Variants in PSD3 observed in about 807,000 individuals in gnomAD.
The protein encoded by PSD3 is pleckstrin and Sec7 domain containing 3.
PSD3 carries 49 observed loss-of-function variants against 105.5 expected under a neutral mutation model. That is an observed-to-expected ratio of 0.46 (90% CI 0.37 to 0.59). The LOEUF (loss-of-function observed/expected upper bound fraction) is 0.59. PSD3 is among the 20% of genes least tolerant of loss of function. The pLI is 0.00. For synonymous variants in PSD3, 557 were observed against 457.8 expected (o/e 1.22, Z -2.77); for missense variants, 1,561 against 1,263.8 (o/e 1.24, Z -3.57).
At chr8:18,924,415 G>A (rs190841459) in intron 2 of PSD3, 14 of 152,202 alleles carry the variant, frequency 9.2e-5, no homozygotes, top group Middle Eastern at 6.8e-3. Flanking sequence ...AAAGAAAGGA[G>A]CAAAATAAAT....
At chr8:18,876,639 A>G (rs1270177533) in intron 2 of PSD3, among the ~76,000 whole-genome samples, 1 of 152,116 alleles carries the variant, frequency 6.6e-6, no homozygotes, top group Non-Finnish European at 1.5e-5. Context: ...GGCTCAAAGG[A>G]TACGCCTGCC....
intron 9 of PSD3, among the ~76,000 whole-genome samples, chr8:18,703,833 A>G (rs1342756355): frequency 2.0e-5 from 3 of 152,220 alleles, no homozygotes; most frequent in Non-Finnish European, 4.4e-5. Context: ...TCTCAATGCT[A>G]TCATTTTCAT....
At chr8:18,980,923 G>A (rs1369756857) in intron 1 of PSD3, among the ~76,000 whole-genome samples, 8 of 151,988 alleles carry the variant, frequency 5.3e-5, no homozygotes, top group Admixed American at 5.3e-4. Context: ...GCTGGTCTTC[G>A]CACTTAGCTA....
chr8:18,985,087 C>T (rs150709801), intron 1 of PSD3, among the ~76,000 whole-genome samples: 2,166 of 152,240 alleles, frequency 0.014, 67 homozygotes, highest in African/African-American at 0.05. Context: ...GTGCCCGCCA[C>T]CACACCCGGC....
intron 4 of PSD3, among the ~76,000 whole-genome samples, chr8:18,861,176 T>A (rs951372508): frequency 1.3e-5 from 2 of 152,130 alleles, no homozygotes; most frequent in African/African-American, 4.8e-5. Context: ...GAACAACCAA[T>A]GACCAGTGCA....
At chr8:18,652,942 G>A (rs983247921) in intron 10 of PSD3, among the ~76,000 whole-genome samples, 1 of 152,096 alleles carries the variant, frequency 6.6e-6, no homozygotes, top group Non-Finnish European at 1.5e-5. Context: ...ATAAATTGGG[G>A]TATTGGCCAT....
At chr8:18,698,273 A>G (rs1054487688) in intron 9 of PSD3, among the ~76,000 whole-genome samples, 5 of 152,024 alleles carry the variant, frequency 3.3e-5, no homozygotes, top group African/African-American at 1.2e-4. Flanking sequence ...TAGTTTTAAC[A>G]TTTTTTAATT....
At chr8:18,868,626 T>C (rs1447233025) in intron 3 of PSD3, among the ~76,000 whole-genome samples, 5 of 152,106 alleles carry the variant, frequency 3.3e-5, no homozygotes, top group Non-Finnish European at 7.3e-5. Flanking sequence ...GATAGCCAAT[T>C]AACGGCCTAA....
chr8:18,555,515 A>G (rs1480623987), intron 15 of PSD3, among the ~76,000 whole-genome samples: 1 of 152,244 alleles, frequency 6.6e-6, no homozygotes, highest in East Asian at 1.9e-4. Flanking sequence ...TTAAAAATAA[A>G]AAGACACTTT....
At chr8:18,564,079 G>A (rs996781926) in intron 14 of PSD3, among the ~76,000 whole-genome samples, 2 of 149,882 alleles carry the variant, frequency 1.3e-5, no homozygotes, top group African/African-American at 4.9e-5. Flanking sequence ...TAGCTCCTTA[G>A]GCACTGGGAA....
Position 18,533,141 on chromosome 8 carries a change from T to C in PSD3, c.*2602A>G, listed in dbSNP as rs554517103. 1 of 152,320 alleles carries C rather than the reference T, an allele frequency of 6.6e-6. No individual in the cohort carries two copies. Among genetic ancestry groups the C allele is most frequent in the East Asian group, 1.9e-4 (1 of 5,172 alleles). The allele number at this position is 152,320 out of a possible 1,614,324, so 9.4% of individuals were successfully genotyped here. On this transcript the variant is annotated 3_prime_UTR_variant, in exon 16 of 16. Coordinates refer to ENST00000327040, the MANE Select transcript of PSD3 (RefSeq NM_015310.4). ...TATCCCAAAGGAAAATGTGGTTGGC[T>C]ATGGGCCAGACTCTCAGAATCTAGG...
intron 6 of PSD3, chr8:18,804,269 A>C (rs1441249026): frequency 8.5e-6 from 3 of 353,514 alleles, no homozygotes; most frequent in Non-Finnish European, 1.5e-5. Context: ...TTCAAAGGAA[A>C]TGCTCCCTAA....
At chr8:18,690,187 A>C (rs1800895566) in intron 9 of PSD3, among the ~76,000 whole-genome samples, 1 of 152,178 alleles carries the variant, frequency 6.6e-6, no homozygotes, top group South Asian at 2.1e-4. Context: ...GAAAGGACAA[A>C]ATCAACTGTA....
chr8:19,047,918 A>T (rs1828382954), intron 1 of PSD3, among the ~76,000 whole-genome samples: 1 of 151,934 alleles, frequency 6.6e-6, no homozygotes, highest in South Asian at 2.1e-4. Context: ...AGGTTTGGCT[A>T]TTGAGTGTCT....
intron 1 of PSD3, among the ~76,000 whole-genome samples, chr8:18,976,212 T>G (rs919472400): frequency 1.2e-4 from 19 of 152,158 alleles, no homozygotes; most frequent in South Asian, 4.1e-4. Context: ...ACAGAGAGCT[T>G]ATAAAAATTA....
intron 12 of PSD3, among the ~76,000 whole-genome samples, chr8:18,576,469 G>A (rs1802469439): frequency 1.3e-5 from 2 of 152,138 alleles, no homozygotes. Flanking sequence ...GTATTTATAT[G>A]TACCTGTTAC....
At chr8:18,730,351 C>T (rs1358759395) in intron 9 of PSD3, 1 of 152,180 alleles carries the variant, frequency 6.6e-6, no homozygotes, top group East Asian at 1.9e-4. Flanking sequence ...GGTAAGTATT[C>T]TCCAATATAA....
intron 11 of PSD3, among the ~76,000 whole-genome samples, chr8:18,617,421 C>T (rs1805777755): frequency 6.6e-6 from 1 of 152,000 alleles, no homozygotes; most frequent in Non-Finnish European, 1.5e-5. Context: ...ATCCCAGCTA[C>T]TCGGGAGGCT....
intron 15 of PSD3, among the ~76,000 whole-genome samples, chr8:18,551,010 G>A (rs889257245): frequency 6.6e-6 from 1 of 152,148 alleles, no homozygotes; most frequent in African/African-American, 2.4e-5. Context: ...AAGACCAAGG[G>A]AAATAATGGC....
Sources: gnomAD v4.1 joint callset for allele counts (sites outside exome capture counted in the v4.1 genomes callset) on GRCh38, gnomAD v4.1.1 for gene constraint, MANE v1.5 for transcripts, NCBI Gene and HGNC (gene_info 2026-07-23, HGNC 2026-07-21) for gene names.